Variants in SHKBP1 observed in about 807,000 individuals in gnomAD.
The protein encoded by SHKBP1 is SH3KBP1-binding protein 1.
SHKBP1 carries 71 observed loss-of-function variants against 83.9 expected under a neutral mutation model. The ratio of observed to expected loss-of-function variants is 0.85; its 90% CI spans 0.70 to 1.03. SHKBP1 has a LOEUF of 1.03. Ranked by LOEUF, SHKBP1 falls within the 50% of genes least tolerant of loss-of-function variation. The probability of loss-of-function intolerance (pLI) is 0.00; values close to 1 mark genes in which losing one functional copy is unlikely to be tolerated. For synonymous variants in SHKBP1, 371 were observed against 398.0 expected (o/e 0.93, Z 0.81); for missense variants, 824 against 982.4 (o/e 0.84, Z 2.16).
chr19:40,577,056 G>C, intron 1 of SHKBP1, 71 bp downstream of exon 1: 1 of 1,332,220 alleles, frequency 7.5e-7, no homozygotes. Flanking sequence ...CGCCTCTCCT[G>C]GGGGAATCCC....
chr19:40,577,195 C>G (rs962873848), intron 1 of SHKBP1, 36 bp from the exon 2 acceptor site: 1 of 1,611,370 alleles, frequency 6.2e-7, no homozygotes, highest in Admixed American at 1.7e-5. Context: ...ACCCGCTCCT[C>G]TTCATCTCTT....
rs764343429 is a variant in SHKBP1, at chr19:40,577,283, A to G, written c.139A>G (p.Ser47Gly). The change falls in exon 2 of 18, where the codon AGT (serine) becomes GGT (glycine). Residue 47 changes from serine (S) to glycine (G), a missense_variant and splice_region_variant. Ser to Gly is a moderately conservative substitution (Grantham distance 56). This residue lies in a region of SHKBP1 where 355 missense variants were observed against 386.4 expected (regional missense o/e 0.92). Coordinates refer to ENST00000291842, the MANE Select transcript of SHKBP1 (RefSeq NM_138392.4). ...LTWIPDSFFS[S>G]LLSGRISTLK... ...CTGGATCCCAGACTCCTTCTTCTCC[A>G]GGTGATCGGGAGAGCGAGTTTGGGG... 6.2e-7 allele frequency: 1 copy of G among 1,614,002 alleles called. No homozygotes were observed. Among genetic ancestry groups the G allele is most frequent in the South Asian group, 1.1e-5 (1 of 91,074 alleles).
rs1351356238 is a variant in SHKBP1, at chr19:40,590,338, C to T, written c.1684C>T (p.Arg562Cys). The change falls in exon 16 of 18, where the codon CGC (arginine) becomes TGC (cysteine). Residue 562 changes from arginine to cysteine, a missense_variant. Coordinates refer to ENST00000291842, the MANE Select transcript of SHKBP1 (RefSeq NM_138392.4). This position sits in a 1 kb window ranked among gnomAD's most constrained non-coding sequence, Gnocchi z 4.6. ...GSRRLGSRPR[R>C]YLLTGQANGS... ...CCGGCGGCTCGGCTCTCGGCCCCGG[C>T]GCTACCTGCTCACTGGCCAGGCCAA... 1.3e-5 allele frequency: 21 copies of T among 1,611,788 alleles called. No individual in the cohort carries two copies. Among genetic ancestry groups the T allele is most frequent in the Non-Finnish European group, 1.7e-5 (20 of 1,179,346 alleles).
In SHKBP1 at chr19:40,585,399, C is replaced by T. The variant is rs760669378; in HGVS notation, c.1166-1375C>T. Among the ~76,000 whole-genome samples, 6 of 151,974 alleles carry T rather than the reference C, an allele frequency of 3.9e-5. No homozygotes were observed. In the South Asian group the frequency reaches 1.2e-3, roughly 32 times the overall value. ...GGAAATACAGACTTGAGTCACTGTG[C>T]TTGGCCATAGCTGCTGCTGCTGCTT... is the stretch of plus-strand genomic sequence containing the variant. On this transcript the variant is annotated intron_variant, in intron 12 of 17. Transcript: ENST00000291842.
At chr19:40,577,087 G>GCCC (rs35684786) in intron 1 of SHKBP1, 102 bp downstream of exon 1, 684 of 1,048,454 alleles carry the variant, frequency 6.5e-4, no homozygotes, top group East Asian at 2.1e-3. Context: ...GGGTTGCTCC[G>GCCC]CCCCCCCCCC....
rs761047603 is a variant in SHKBP1, at chr19:40,591,017, G to A, written c.1934G>A (p.Arg645His). 9.9e-6 allele frequency: 16 copies of A among 1,611,996 alleles called. No individual in the cohort carries two copies. The highest frequency in any genetic ancestry group is 1.3e-5 in the African/African-American group (1 of 74,886). The part of the protein sequence containing the change: ...ASSNTSLSGH[R>H]GSPSPPQAEA... The stretch of plus-strand genomic sequence containing the variant: ...AGCAACACCTCCTTGTCTGGCCACC[G>A]TGGGAGCCCAAGCCCCCCGCAGGCT... Residue 645 changes from arginine to histidine, a missense_variant, in exon 18 of 18, where the codon CGT becomes CAT. This residue lies in a region of SHKBP1 where 287 missense variants were observed against 322.9 expected (regional missense o/e 0.89). Transcript: ENST00000291842.
At chr19:40,589,003 T>A (rs1251295436) in intron 14 of SHKBP1, 79 bp from the exon 15 acceptor site, 3 of 1,462,088 alleles carry the variant, frequency 2.1e-6, no homozygotes, top group African/African-American at 1.4e-5. Context: ...CTTGGGGTGG[T>A]GGGTTTCATC....
At chr19:40,583,515 G>A (rs368689909) in intron 11 of SHKBP1, 30 bp downstream of exon 11, 78 of 1,612,304 alleles carry the variant, frequency 4.8e-5, no homozygotes, top group African/African-American at 2.8e-4. Flanking sequence ...CCGGGTGCCC[G>A]AGACCCTCCC....
chr19:40,590,826 G>C lies in SHKBP1; in HGVS notation c.1865G>C (p.Ser622Thr). 2 of 1,592,898 alleles carry C rather than the reference G, an allele frequency of 1.3e-6. No individual in the cohort carries two copies. Among genetic ancestry groups the C allele is most frequent in the African/African-American group, 2.7e-5 (2 of 74,678 alleles). Reference sequence around the variant, plus strand: ...GCTCCCTCATGGGGCTGTCTCCCCAGCCCCTCACCCCGCATCTCCCTCACC... The same window carrying C: ...GCTCCCTCATGGGGCTGTCTCCCCACCCCCTCACCCCGCATCTCCCTCACC... Reference protein sequence around the residue: ...PSAPSWGCLPSPSPRISLTSL... With the variant: ...PSAPSWGCLPTPSPRISLTSL... Residue 622 changes from serine (S) to threonine (T), a missense_variant, in exon 17 of 18, where the codon AGC (serine) becomes ACC (threonine). By Grantham distance (58) the Ser-to-Thr change is moderately conservative. This residue lies in a region of SHKBP1 where 287 missense variants were observed against 322.9 expected (regional missense o/e 0.89). Transcript: ENST00000291842. This position sits in a 1 kb window ranked among gnomAD's most constrained non-coding sequence, Gnocchi z 4.6.
intron 6 of SHKBP1, 63 bp downstream of exon 6, chr19:40,578,605 G>C: frequency 6.8e-7 from 1 of 1,479,296 alleles, no homozygotes; most frequent in South Asian, 1.1e-5. Flanking sequence ...TTCCCATAAG[G>C]CTGCAGCTCT....
chr19:40,587,387 C>T lies in SHKBP1; in HGVS notation c.1336+443C>T, dbSNP rs567762549. 4.0e-5 allele frequency among the ~76,000 whole-genome samples: 6 copies of T among 150,744 alleles called. 1 individual carries two copies. The highest frequency in any genetic ancestry group is 2.1e-4 in the South Asian group (1 of 4,752). Reference sequence around the variant, plus strand: ...GGTAGATTACTTGAGGTCAGGAGTTCGAGACCAGCCTGGCCAACATGGTGA... The same window carrying T: ...GGTAGATTACTTGAGGTCAGGAGTTTGAGACCAGCCTGGCCAACATGGTGA... On this transcript the variant is annotated intron_variant, in intron 13 of 17. Transcript: ENST00000291842.
Position 40,582,626 on chromosome 19 carries a change from T to C in SHKBP1, c.960+160T>C, listed in dbSNP as rs138004365. On this transcript the variant is annotated intron_variant, in intron 10 of 17. Coordinates refer to ENST00000291842, the MANE Select transcript of SHKBP1 (RefSeq NM_138392.4). ...CCTGGGGATGTCTGTGATAAAGGCC[T>C]AAGGAGCACCAGGGAAGCCTTCCTG... 490 of 613,142 alleles carry C rather than the reference T, an allele frequency of 8.0e-4. 3 individuals carry two copies. Among genetic ancestry groups the C allele is most frequent in the African/African-American group, 7.6e-3 (405 of 53,250 alleles). 38.0% of individuals were successfully genotyped at this position (613,142 alleles called of 1,614,324 possible).
intron 6 of SHKBP1, 64 bp from the exon 7 acceptor site, chr19:40,580,260 A>G (rs1568388735): frequency 1.4e-5 from 22 of 1,551,750 alleles, no homozygotes; most frequent in Non-Finnish European, 1.7e-5. Context: ...TCATATTTTA[A>G]GTGCTTGCTG....
intron 10 of SHKBP1, among the ~76,000 whole-genome samples, chr19:40,582,888 C>A (rs913655756): frequency 1.3e-5 from 2 of 150,994 alleles, no homozygotes; most frequent in African/African-American, 2.4e-5. Context: ...GAAAACCAGG[C>A]AAATAGAAAT....
In SHKBP1 at chr19:40,580,378, G is replaced by A; in HGVS notation, c.455G>A (p.Gly152Glu). ...RHSLVGPQQL[G>E]GRPAPVRRSN... is the part of the protein sequence containing the mutation. The stretch of plus-strand genomic sequence containing the variant: ...AGCCTAGTGGGGCCTCAGCAGCTAG[G>A]AGGACGGCCAGCCCCTGTCCGACGG... The change falls in exon 7 of 18, where the codon GGA becomes GAA. Residue 152 changes from glycine to glutamate, a missense_variant. Physicochemically the swap from Gly to Glu is moderately conservative, Grantham distance 98 (BLOSUM62 -2). Around this residue, in one of 3 missense-constraint regions of SHKBP1, gnomAD observed 355 missense variants for 386.4 expected, o/e 0.92. Transcript: ENST00000291842. 1 of 1,614,242 alleles carries A rather than the reference G, an allele frequency of 6.2e-7. No individual in the cohort carries two copies. The highest frequency in any genetic ancestry group is 8.5e-7 in the Non-Finnish European group (1 of 1,180,048).
At position 40,583,274 on chromosome 19, in the gene SHKBP1, G is replaced by A. The variant is rs945729470; in HGVS notation, c.961-124G>A. On this transcript the variant is annotated intron_variant, in intron 10 of 17. Coordinates refer to ENST00000291842, the MANE Select transcript of SHKBP1 (RefSeq NM_138392.4). ...GGACAAAGGCAGGCCTGGGGTGGACGGGGCTGGGGAGCAGTGGGTGGGTTC... is the reference window on the plus strand; with the variant it reads ...GGACAAAGGCAGGCCTGGGGTGGACAGGGCTGGGGAGCAGTGGGTGGGTTC... 1.1e-5 allele frequency: 8 copies of A among 707,808 alleles called. 1 individual carries two copies. The highest frequency in any genetic ancestry group is 3.8e-5 in the South Asian group (2 of 52,702). 43.8% of individuals were successfully genotyped at this position (707,808 alleles called of 1,614,324 possible). A position where few individuals can be genotyped will look rare whatever the true frequency, so the allele number is the denominator to read the frequency against.
At chr19:40,577,763 G>A in intron 4 of SHKBP1, 133 bp downstream of exon 4, 2 of 1,157,444 alleles carry the variant, frequency 1.7e-6, no homozygotes, top group Non-Finnish European at 2.5e-6. Context: ...CAGGCCGGGC[G>A]CGCCGGGATT....
chr19:40,587,009 G>C, intron 13 of SHKBP1, 65 bp downstream of exon 13: 4 of 1,444,786 alleles, frequency 2.8e-6, no homozygotes, highest in Non-Finnish European at 3.8e-6. Context: ...GGAGACAGGA[G>C]GATGAGAATT....
rs369246844 is a variant in SHKBP1, at chr19:40,590,240, C to T, written c.1590-4C>T. On this transcript the variant is annotated splice_polypyrimidine_tract_variant and splice_region_variant and intron_variant, in intron 15 of 17. Coordinates refer to ENST00000291842, the MANE Select transcript of SHKBP1 (RefSeq NM_138392.4). The surrounding 1 kb of genome is among the most constrained non-coding windows in gnomAD (Gnocchi z 4.6). The stretch of plus-strand genomic sequence containing the variant: ...GTGACCACCTCCCCCACTGCACCCC[C>T]CAGGGTGTGCTCCGTGCGCTCCGTG... 1,156 of 1,575,404 alleles carry T rather than the reference C, an allele frequency of 7.3e-4. 1 individual carries two copies. The highest frequency in any genetic ancestry group is 9.2e-4 in the Non-Finnish European group (1,075 of 1,162,290).
Sources: gnomAD v4.1 joint callset for allele counts (sites outside exome capture counted in the v4.1 genomes callset) on GRCh38, gnomAD v4.1.1 for gene constraint, gnomAD v4.1.1 regional missense constraint, Gnocchi (gnomAD v3.1) non-coding constraint, MANE v1.5 for transcripts, NCBI Gene and HGNC (gene_info 2026-07-23, HGNC 2026-07-21) for gene names.